CFAP65: variants seen among roughly 807,000 people sequenced by gnomAD.
CFAP65 encodes cilia- and flagella-associated protein 65.
In CFAP65, 155 loss-of-function variants were observed where a neutral mutation model predicts 208.0. The ratio of observed to expected loss-of-function variants is 0.75; its 90% CI spans 0.65 to 0.85. CFAP65 has a LOEUF of 0.85. Among genes scored for constraint, CFAP65 ranks in the 40% least tolerant of loss-of-function variants. The pLI is 0.00. For missense variants in CFAP65, 2,294 were observed against 2,451.3 expected (o/e 0.94, Z 1.36); for synonymous variants, 970 against 986.3 (o/e 0.98, Z 0.31).
At chr2:219,017,962 C>A (rs1007321972) in intron 21 of CFAP65, among the ~76,000 whole-genome samples, 1 of 152,164 alleles carries the variant, frequency 6.6e-6, no homozygotes, top group Non-Finnish European at 1.5e-5. Context: ...CAGACAGGAG[C>A]CCCCTAAAGA....
Position 219,031,054 on chromosome 2 carries a change from C to T in CFAP65, c.1015+52G>A. 1 of 1,536,800 alleles carries T rather than the reference C, an allele frequency of 6.5e-7. No homozygotes were observed. The highest frequency in any genetic ancestry group is 2.0e-4 in the Middle Eastern group (1 of 4,974). Reference sequence around the variant, plus strand: ...TGGGGGACACTGAGGCCTGGAGGACCCAGAAGGTGCAGGAGGGGCCAGTCT... The same window carrying T: ...TGGGGGACACTGAGGCCTGGAGGACTCAGAAGGTGCAGGAGGGGCCAGTCT... On this transcript the variant is annotated intron_variant, in intron 8 of 34. Transcript: ENST00000341552. This position sits in a 1 kb window ranked among gnomAD's most constrained non-coding sequence, Gnocchi z 5.2.
chr2:219,037,205 T>C (rs1320420626), intron 4 of CFAP65, among the ~76,000 whole-genome samples: 2 of 151,980 alleles, frequency 1.3e-5, no homozygotes, highest in Admixed American at 1.3e-4. Flanking sequence ...GCCTGGCCAA[T>C]ATGGTGAAAC....
chr2:219,030,825 G>C lies in CFAP65; in HGVS notation c.1025C>G (p.Ala342Gly). 6.2e-7 allele frequency: 1 copy of C among 1,613,764 alleles called. No individual in the cohort carries two copies. The highest frequency in any genetic ancestry group is 8.5e-7 in the Non-Finnish European group (1 of 1,179,776). ...SIQLQAVAKC[A>G]QLLVSIKHKC... is the part of the protein sequence containing the mutation. ...GTGCTTTATGCTCACCAGCAGCTGG[G>C]CGCACTTGGCTGGGGCAGAGATGGG... The change falls in exon 9 of 35, where the codon GCC becomes GGC. Residue 342 changes from alanine to glycine, a missense_variant. This residue lies in a region of CFAP65 where 867 missense variants were observed against 1,012.6 expected (regional missense o/e 0.86). Transcript: ENST00000341552.
In CFAP65 at chr2:219,038,294, T is replaced by C. The variant is rs994388822; in HGVS notation, c.357+81A>G. 6.6e-6 allele frequency: 9 copies of C among 1,368,722 alleles called. No individual in the cohort carries two copies. The South Asian group carries it at 9.9e-5, about 15-fold the overall frequency. The allele number at this position is 1,368,722 out of a possible 1,614,324, so 84.8% of individuals were successfully genotyped here. A position where few individuals can be genotyped will look rare whatever the true frequency, so the allele number is the denominator to read the frequency against. On this transcript the variant is annotated intron_variant, in intron 4 of 34. Transcript: ENST00000341552. ...AGGGAAGAGTCAGGGCCTCTCAAGATTCCCACCCCACTGCCCTGCCACCCA... is the reference window on the plus strand; with the variant it reads ...AGGGAAGAGTCAGGGCCTCTCAAGACTCCCACCCCACTGCCCTGCCACCCA...
chr2:219,013,165 G>T, intron 24 of CFAP65, 94 bp downstream of exon 24: 1 of 864,624 alleles, frequency 1.2e-6, no homozygotes. Flanking sequence ...CTTCCAGAGG[G>T]CCATGTCTTT....
rs776892134 is a variant in CFAP65, at chr2:219,006,182, A to G, written c.4761T>C (p.Pro1587=). ...TTGGGGTCTGCAGTTTCCAGCTGGCAGGCCGGCTGACAGACTGCTGGTTCT... is the reference window on the plus strand; with the variant it reads ...TTGGGGTCTGCAGTTTCCAGCTGGCGGGCCGGCTGACAGACTGCTGGTTCT... ...PIKNQQSVSR[P]ASWKLQTPKE... Residue 1587 remains proline (P), a synonymous_variant, in exon 31 of 35, where the codon CCT becomes CCC. Transcript: ENST00000341552. 5 of 1,611,224 alleles carry G rather than the reference A, an allele frequency of 3.1e-6. No individual in the cohort carries two copies. The highest frequency in any genetic ancestry group is 4.2e-6 in the Non-Finnish European group (5 of 1,178,074).
chr2:219,010,229 C>T (rs952354323), intron 26 of CFAP65, 144 bp from the exon 27 acceptor site: 4 of 739,092 alleles, frequency 5.4e-6, no homozygotes, highest in Non-Finnish European at 8.6e-6. Flanking sequence ...CTTTTGACAC[C>T]TTTCAACACC....
intron 23 of CFAP65, 33 bp from the exon 24 acceptor site, chr2:219,013,402 A>G: frequency 6.4e-7 from 1 of 1,565,532 alleles, no homozygotes; most frequent in South Asian, 1.1e-5. Context: ...AGGAACTGAC[A>G]CAGCCAGTGG....
At chr2:219,030,396 G>A (rs997276814) in intron 9 of CFAP65, among the ~76,000 whole-genome samples, 188 bp from the exon 10 acceptor site, 1 of 152,206 alleles carries the variant, frequency 6.6e-6, no homozygotes, top group African/African-American at 2.4e-5. Flanking sequence ...GCCCTGCGCT[G>A]GGCCTGCCCA....
At chr2:219,008,837 G>T (rs1036614849) in intron 29 of CFAP65, among the ~76,000 whole-genome samples, 1 of 152,242 alleles carries the variant, frequency 6.6e-6, no homozygotes, top group Admixed American at 6.5e-5. Flanking sequence ...GCTACACGAG[G>T]CAGGGAATGG....
chr2:219,026,267 C>T (rs936003754), intron 13 of CFAP65, 108 bp from the exon 14 acceptor site: 19 of 1,228,118 alleles, frequency 1.5e-5, no homozygotes, highest in African/African-American at 1.1e-4. Context: ...TGACATTGGA[C>T]ACAGACAGGA....
chr2:219,039,126 A>G, intron 2 of CFAP65, 76 bp from the exon 3 acceptor site: 1 of 1,236,134 alleles, frequency 8.1e-7, no homozygotes, highest in Non-Finnish European at 1.1e-6. Context: ...AGCTGAAATC[A>G]TATGCAAATA....
In CFAP65 at chr2:219,032,223, G is replaced by A. The variant is rs1253859459; in HGVS notation, c.645+247C>T. ...GAAGTCAGTCACCGTCCCCGGCCAC[G>A]GAATGTAGGACTTTCTGATGGCCAA... is the stretch of plus-strand genomic sequence containing the variant. On this transcript the variant is annotated intron_variant, in intron 6 of 34. Transcript: ENST00000341552. The surrounding 1 kb of genome is among the most constrained non-coding windows in gnomAD (Gnocchi z 5.5). Among the ~76,000 whole-genome samples, 2 of 152,150 alleles carry A rather than the reference G, an allele frequency of 1.3e-5. No homozygotes were observed. The highest frequency in any genetic ancestry group is 2.4e-5 in the African/African-American group (1 of 41,448).
At chr2:219,027,610 CAG>C in intron 13 of CFAP65, 38 bp downstream of exon 13, 4 of 1,613,320 alleles carry the variant, frequency 2.5e-6, no homozygotes, top group Middle Eastern at 1.6e-4. Context: ...AGGCTCCTAG[CAG>C]AGACCCCGCA....
chr2:219,022,056 C>T, intron 17 of CFAP65, 115 bp downstream of exon 17: 1 of 1,506,826 alleles, frequency 6.6e-7, no homozygotes, highest in East Asian at 2.3e-5. Context: ...GCAGAGGGCT[C>T]CTATCCTCTG....
intron 4 of CFAP65, among the ~76,000 whole-genome samples, chr2:219,035,981 G>T (rs929645871): frequency 2.3e-4 from 35 of 152,172 alleles, no homozygotes; most frequent in African/African-American, 7.5e-4. Context: ...GCAGGCTTCT[G>T]TTCTGTTCCT....
At chr2:219,005,136 G>A (rs59345765) in intron 32 of CFAP65, among the ~76,000 whole-genome samples, 2,961 of 151,886 alleles carry the variant, frequency 0.019, 96 homozygotes, top group African/African-American at 0.068. Context: ...AGCAATCCTC[G>A]CACCTCAGCC....
Position 219,003,989 on chromosome 2 carries a change from CCTT to C in CFAP65, c.5515_5517del (p.Lys1839del), listed in dbSNP as rs777913055. On this transcript the variant is annotated inframe_deletion, in exon 33 of 35. Coordinates refer to ENST00000341552, the MANE Select transcript of CFAP65 (RefSeq NM_194302.4). This position sits in a 1 kb window ranked among gnomAD's most constrained non-coding sequence, Gnocchi z 4.4. ...TCCTTCTCGTCCTGTTCTTGCTCCT[CCTT>C]CACCATGACATTCAGCTGCTGTTGC... 6.2e-7 allele frequency: 1 copy of C among 1,614,000 alleles called. No homozygotes were observed. The highest frequency in any genetic ancestry group is 1.7e-5 in the Admixed American group (1 of 60,026).
Position 219,010,036 on chromosome 2 carries a change from T to C in CFAP65, c.4358A>G (p.Gln1453Arg), listed in dbSNP as rs1443382656. ...SHISLGNIPV[Q>R]SKCSRLLFLN... ...GAAGAGCAGGCGGCTGCACTTGCTC[T>C]GCACAGGTATGTTTCCCAGGGAAAT... Residue 1453 changes from glutamine (Q) to arginine (R), a missense_variant, in exon 27 of 35, where the codon CAG (glutamine) becomes CGG (arginine). Physicochemically the swap from Gln to Arg is conservative, Grantham distance 43. Around this residue, in one of 2 missense-constraint regions of CFAP65, gnomAD observed 1,427 missense variants for 1,438.7 expected, o/e 0.99. Transcript: ENST00000341552. 1 of 1,611,260 alleles carries C rather than the reference T, an allele frequency of 6.2e-7. No homozygotes were observed. The highest frequency in any genetic ancestry group is 2.2e-5 in the East Asian group (1 of 44,802).
Sources: allele counts gnomAD v4.1 joint callset (sites outside exome capture counted in the v4.1 genomes callset), GRCh38; gene constraint gnomAD v4.1.1; regional missense constraint gnomAD v4.1.1; non-coding constraint Gnocchi (gnomAD v3.1); transcripts MANE v1.5; gene names NCBI Gene and HGNC (gene_info 2026-07-23, HGNC 2026-07-21).